DSCAML1: variants seen among roughly 807,000 people sequenced by gnomAD.
The protein encoded by DSCAML1 is DS cell adhesion molecule like 1.
DSCAML1 carries 38 observed loss-of-function variants against 200.5 expected under a neutral mutation model. The ratio of observed to expected loss-of-function variants is 0.19; its 90% CI spans 0.15 to 0.25. The LOEUF is 0.25. Among genes scored for constraint, DSCAML1 ranks in the 10% least tolerant of loss-of-function variants. The pLI, the probability that DSCAML1 is intolerant of heterozygous loss-of-function variation, is 1.00. For missense variants in DSCAML1, 2,223 were observed against 2,858.8 expected (o/e 0.78, Z 5.07); for synonymous variants, 1,215 against 1,165.0 (o/e 1.04, Z -0.87).
At chr11:117,593,482 G>C (rs950597008) in intron 3 of DSCAML1, among the ~76,000 whole-genome samples, 1 of 152,206 alleles carries the variant, frequency 6.6e-6, no homozygotes, top group Non-Finnish European at 1.5e-5. Context: ...CTGGAAAGAA[G>C]AGATGACAGG....
chr11:117,521,029 C>T, intron 6 of DSCAML1, 101 bp downstream of exon 6: 1 of 1,507,390 alleles, frequency 6.6e-7, no homozygotes, highest in South Asian at 1.3e-5. Context: ...GTAGTGAGCG[C>T]TGGTTTAATG....
intron 11 of DSCAML1, among the ~76,000 whole-genome samples, chr11:117,491,602 C>T (rs1005718483): frequency 3.9e-5 from 6 of 152,134 alleles, no homozygotes; most frequent in Admixed American, 2.0e-4. Flanking sequence ...CAACATGGCC[C>T]GTCTCTACTA....
chr11:117,437,505 G>T lies in DSCAML1; in HGVS notation c.4433-96C>A. ...GGAAAGGATTTCCCTGGGGCAGCTG[G>T]GATGGCAGTGGCTCCAGGAGAATAC... On this transcript the variant is annotated intron_variant, in intron 25 of 32. Transcript: ENST00000651296. This position sits in a 1 kb window ranked among gnomAD's most constrained non-coding sequence, Gnocchi z 5.3. The T allele has an allele frequency of 7.1e-7, 1 of 1,405,590 alleles. No homozygotes were observed. The highest frequency in any genetic ancestry group is 9.8e-7 in the Non-Finnish European group (1 of 1,025,564). The allele number at this position is 1,405,590 out of a possible 1,614,324, so 87.1% of individuals were successfully genotyped here.
intron 3 of DSCAML1, among the ~76,000 whole-genome samples, chr11:117,597,427 C>T (rs1349231056): frequency 6.6e-6 from 1 of 152,180 alleles, no homozygotes; most frequent in Non-Finnish European, 1.5e-5. Context: ...TGCCAGCCTG[C>T]AAGAAGGAGG....
At position 117,776,831 on chromosome 11, in the gene DSCAML1, G is replaced by A. The variant is rs746698241; in HGVS notation, c.471C>T (p.Ser157=). Residue 157 remains serine, a synonymous_variant, in exon 3 of 33, where the codon AGC becomes AGT. Coordinates refer to ENST00000651296, the MANE Select transcript of DSCAML1 (RefSeq NM_020693.4). The stretch of plus-strand genomic sequence containing the variant: ...CTGTGTCTTTCTCCCAAGATACAAC[G>A]CTAACATATTCCTGCACTGAAGAGG... ...LIPSSVQEYV[S]VVSWEKDTVS... 15 of 1,614,032 alleles carry A rather than the reference G, an allele frequency of 9.3e-6. No homozygotes were observed. Among genetic ancestry groups the A allele is most frequent in the East Asian group, 4.5e-5 (2 of 44,898 alleles).
At position 117,471,972 on chromosome 11, in the gene DSCAML1, C is replaced by A; in HGVS notation, c.2850G>T (p.Val950=). The A allele has an allele frequency of 6.2e-7, 1 of 1,614,144 alleles. No homozygotes were observed. Among genetic ancestry groups the A allele is most frequent in the Non-Finnish European group, 8.5e-7 (1 of 1,180,034 alleles). ...TGTACACAGATGCCGGGTGCAAGTC[C>A]ACAATGTTGGCCTGGTTGATGGTGG... ...ISPTINQANI[V]DLHPASVYSI... is the part of the protein sequence containing the mutation. The change falls in exon 15 of 33, where the codon GTG becomes GTT. Residue 950 remains valine, a synonymous_variant. Transcript: ENST00000651296.
chr11:117,752,310 TTA>T (rs2054618490), intron 3 of DSCAML1, among the ~76,000 whole-genome samples: 1 of 152,120 alleles, frequency 6.6e-6, no homozygotes, highest in South Asian at 2.1e-4. Context: ...GAACGACAAT[TTA>T]TGTTTATTTA....
intron 3 of DSCAML1, among the ~76,000 whole-genome samples, chr11:117,724,942 G>C (rs937977902): frequency 1.3e-5 from 2 of 152,170 alleles, no homozygotes; most frequent in African/African-American, 4.8e-5. Context: ...CATTCCAAGG[G>C]GCAAGACACT....
chr11:117,781,302 A>G (rs1242627307), intron 1 of DSCAML1, among the ~76,000 whole-genome samples: 7 of 152,002 alleles, frequency 4.6e-5, no homozygotes, highest in Admixed American at 1.3e-4. Flanking sequence ...AAAAAAAAAA[A>G]AAAGAAAGAA....
chr11:117,615,919 G>A (rs1317126730), intron 3 of DSCAML1, among the ~76,000 whole-genome samples: 1 of 152,182 alleles, frequency 6.6e-6, no homozygotes, highest in Non-Finnish European at 1.5e-5. Context: ...GGGACATGAG[G>A]CTTCTTGCTA....
intron 3 of DSCAML1, among the ~76,000 whole-genome samples, chr11:117,650,881 C>G (rs2052619105): frequency 6.6e-6 from 1 of 152,174 alleles, no homozygotes; most frequent in Non-Finnish European, 1.5e-5. Context: ...TGAGTTGGTT[C>G]AGAATCACCC....
At chr11:117,454,672 G>T (rs904152508) in intron 19 of DSCAML1, among the ~76,000 whole-genome samples, 1 of 152,182 alleles carries the variant, frequency 6.6e-6, no homozygotes, top group Non-Finnish European at 1.5e-5. Context: ...TTGTATGCCA[G>T]ACACGGCATT....
intron 3 of DSCAML1, among the ~76,000 whole-genome samples, chr11:117,731,390 C>T (rs557271175): frequency 4.9e-4 from 74 of 152,286 alleles, no homozygotes; most frequent in African/African-American, 1.7e-3. Context: ...AAGACTCCTG[C>T]CCACCTCTCT....
At chr11:117,763,180 G>A (rs1166301101) in intron 3 of DSCAML1, among the ~76,000 whole-genome samples, 2 of 152,114 alleles carry the variant, frequency 1.3e-5, no homozygotes, top group Non-Finnish European at 1.5e-5. Flanking sequence ...CCACCCACCT[G>A]AAGGATGCCC....
chr11:117,550,376 T>C (rs2137390032), intron 3 of DSCAML1, among the ~76,000 whole-genome samples: 1 of 152,300 alleles, frequency 6.6e-6, no homozygotes, highest in South Asian at 2.1e-4. Context: ...ATTGTGTGAC[T>C]CCACATTCCT....
chr11:117,803,043 C>T (rs1458762346), intron 1 of DSCAML1, among the ~76,000 whole-genome samples: 1 of 151,812 alleles, frequency 6.6e-6, no homozygotes, highest in Non-Finnish European at 1.5e-5. Flanking sequence ...TCTGGCTTCT[C>T]GGTGGGTCTG....
intron 3 of DSCAML1, among the ~76,000 whole-genome samples, chr11:117,715,617 G>A (rs755200109): frequency 1.5e-4 from 23 of 152,168 alleles, no homozygotes; most frequent in Non-Finnish European, 2.2e-4. Context: ...CCTGTGCCTG[G>A]CACAGGGCCT....
intron 3 of DSCAML1, among the ~76,000 whole-genome samples, chr11:117,576,799 C>G (rs1223648302): frequency 6.6e-6 from 1 of 152,152 alleles, no homozygotes; most frequent in Non-Finnish European, 1.5e-5. Context: ...AGGGAACAAT[C>G]AGCTAGAGAG....
chr11:117,435,641 C>T lies in DSCAML1; in HGVS notation c.4876+3G>A, dbSNP rs371905121. ...CTGGAAGGCCCATAGGAAGCTCCCCCACCTCGGAGTCGCTTCAGCCGTTTC... is the reference window on the plus strand; with the variant it reads ...CTGGAAGGCCCATAGGAAGCTCCCCTACCTCGGAGTCGCTTCAGCCGTTTC... On this transcript the variant is annotated splice_donor_region_variant and intron_variant, in intron 27 of 32. Coordinates refer to ENST00000651296, the MANE Select transcript of DSCAML1 (RefSeq NM_020693.4). 2 of 1,592,112 alleles carry T rather than the reference C, an allele frequency of 1.3e-6. No individual in the cohort carries two copies. The highest frequency in any genetic ancestry group is 1.7e-6 in the Non-Finnish European group (2 of 1,162,484).
Sources: allele counts gnomAD v4.1 joint callset (sites outside exome capture counted in the v4.1 genomes callset), GRCh38; gene constraint gnomAD v4.1.1; non-coding constraint Gnocchi (gnomAD v3.1); transcripts MANE v1.5; gene names NCBI Gene and HGNC (gene_info 2026-07-23, HGNC 2026-07-21).